The following ADGRL2 variants were observed in gnomAD, a reference collection of about 807,000 sequenced individuals.
The protein encoded by ADGRL2 is adhesion G protein-coupled receptor L2.
A neutral mutation model predicts 157.4 loss-of-function variants in ADGRL2; 44 were observed. The observed-to-expected ratio is 0.28, with a 90% CI of 0.22 to 0.36. The LOEUF (loss-of-function observed/expected upper bound fraction) is 0.36. ADGRL2 is among the 10% of genes least tolerant of loss of function. The pLI is 1.00. For synonymous variants in ADGRL2, 585 were observed against 624.7 expected (o/e 0.94, Z 0.95); for missense variants, 1,510 against 1,768.9 (o/e 0.85, Z 2.63).
chr1:81,384,545 C>T (rs2101070922), intron 1 of ADGRL2, among the ~76,000 whole-genome samples: 1 of 152,194 alleles, frequency 6.6e-6, no homozygotes, highest in Middle Eastern at 3.4e-3. Context: ...TTAAATTTAT[C>T]TTTAAAAAAT....
chr1:81,419,378 G>C (rs1350559966), intron 1 of ADGRL2, among the ~76,000 whole-genome samples: 2 of 151,766 alleles, frequency 1.3e-5, no homozygotes, highest in African/African-American at 4.8e-5. Flanking sequence ...TATTTTTTGT[G>C]TTTTCTTTTA....
intron 8 of ADGRL2, 23 bp from the exon 9 acceptor site, chr1:81,951,934 G>A: frequency 6.4e-7 from 1 of 1,574,572 alleles, no homozygotes; most frequent in Non-Finnish European, 8.6e-7. Context: ...ATTTAAATGA[G>A]ATAATACAAA....
intron 3 of ADGRL2, among the ~76,000 whole-genome samples, chr1:81,687,014 A>G (rs1463083587): frequency 6.6e-6 from 1 of 151,974 alleles, no homozygotes; most frequent in Non-Finnish European, 1.5e-5. Context: ...TATAATTTCA[A>G]TTTTCTTAAA....
At chr1:81,360,946 A>T (rs2075966822) in intron 1 of ADGRL2, among the ~76,000 whole-genome samples, 1 of 151,918 alleles carries the variant, frequency 6.6e-6, no homozygotes, top group African/African-American at 2.4e-5. Flanking sequence ...TATGTGGAAA[A>T]TTTGAATAGT....
intron 1 of ADGRL2, among the ~76,000 whole-genome samples, chr1:81,706,090 T>C (rs556406534): frequency 6.6e-6 from 1 of 152,056 alleles, no homozygotes; most frequent in East Asian, 1.9e-4. Flanking sequence ...TCCCAGCTAC[T>C]TGGGAGGCTG....
chr1:81,572,296 T>A (rs1046732576), intron 2 of ADGRL2, among the ~76,000 whole-genome samples: 13 of 152,356 alleles, frequency 8.5e-5, no homozygotes, highest in Non-Finnish European at 1.5e-4. Context: ...TCTTATTATA[T>A]CTACTACAGT....
intron 2 of ADGRL2, among the ~76,000 whole-genome samples, chr1:81,510,348 T>C (rs901618949): frequency 3.3e-5 from 5 of 152,076 alleles, no homozygotes; most frequent in Admixed American, 3.3e-4. Flanking sequence ...ATAGAGGGAA[T>C]TTTTTCATCG....
chr1:81,822,837 G>C (rs547797411), intron 1 of ADGRL2, among the ~76,000 whole-genome samples: 1 of 152,238 alleles, frequency 6.6e-6, no homozygotes, highest in South Asian at 2.1e-4. Context: ...ATTTGGGCCT[G>C]AGTTGCAGAT....
intron 2 of ADGRL2, among the ~76,000 whole-genome samples, chr1:81,547,462 T>G (rs1419416197): frequency 2.0e-5 from 3 of 152,212 alleles, no homozygotes; most frequent in Non-Finnish European, 4.4e-5. Context: ...AATGTTCTCC[T>G]ATTTCTCTGT....
chr1:81,426,822 A>T (rs11163289), intron 1 of ADGRL2: 101,703 of 521,944 alleles, frequency 0.19, 10,670 homozygotes, highest in South Asian at 0.27. Context: ...ATGCCCATCT[A>T]CCAGTGAAGA....
chr1:81,847,293 C>T (rs181537699), intron 2 of ADGRL2, among the ~76,000 whole-genome samples: 1 of 151,986 alleles, frequency 6.6e-6, no homozygotes, highest in East Asian at 1.9e-4. Context: ...AATGTAGATT[C>T]TTGCTTCAGT....
At chr1:81,986,724 C>G (rs976027638) in intron 21 of ADGRL2, among the ~76,000 whole-genome samples, 177 bp from the exon 22 acceptor site, 4 of 152,048 alleles carry the variant, frequency 2.6e-5, no homozygotes, top group Non-Finnish European at 5.9e-5. Flanking sequence ...CCTCTCCCTT[C>G]TCTCCTGCAA....
intron 1 of ADGRL2, among the ~76,000 whole-genome samples, chr1:81,364,681 A>G (rs2076034740): frequency 1.3e-5 from 2 of 152,062 alleles, no homozygotes; most frequent in Admixed American, 1.3e-4. Context: ...AGTCAGGAAC[A>G]ATAGGATATT....
At chr1:81,827,784 C>T (rs995721353) in intron 1 of ADGRL2, among the ~76,000 whole-genome samples, 2 of 152,002 alleles carry the variant, frequency 1.3e-5, no homozygotes, top group African/African-American at 4.8e-5. Flanking sequence ...AGGCTGGTCT[C>T]GAACTCCTGA....
intron 1 of ADGRL2, among the ~76,000 whole-genome samples, chr1:81,360,521 A>C (rs1370492617): frequency 6.6e-6 from 1 of 151,978 alleles, no homozygotes; most frequent in Non-Finnish European, 1.5e-5. Flanking sequence ...TATCTTACTC[A>C]TCCAAATTGT....
chr1:81,881,602 C>G lies in ADGRL2; in HGVS notation c.74-25415C>G, dbSNP rs74095998. Among the ~76,000 whole-genome samples, 675 of 152,300 alleles carry G rather than the reference C, an allele frequency of 4.4e-3. 5 individuals are homozygous for G. The highest frequency in any genetic ancestry group is 0.016 in the African/African-American group (649 of 41,566). ...CTTGCTCATGGTTATCCTCTCTGTTCTGTCTGTTCATCCTGCCAGGGTAAG... is the reference window on the plus strand; with the variant it reads ...CTTGCTCATGGTTATCCTCTCTGTTGTGTCTGTTCATCCTGCCAGGGTAAG... On this transcript the variant is annotated intron_variant, in intron 2 of 23. Coordinates refer to ENST00000686636, the MANE Select transcript of ADGRL2 (RefSeq NM_001366006.2).
chr1:81,704,242 G>A (rs1008191838), intron 1 of ADGRL2, among the ~76,000 whole-genome samples: 1 of 152,160 alleles, frequency 6.6e-6, no homozygotes, highest in Non-Finnish European at 1.5e-5. Context: ...AAAAGAGAAG[G>A]CCCTAAAAGT....
intron 1 of ADGRL2, among the ~76,000 whole-genome samples, chr1:81,804,831 A>G (rs1260471257): frequency 6.6e-6 from 1 of 152,132 alleles, no homozygotes; most frequent in Non-Finnish European, 1.5e-5. Flanking sequence ...ATTAGTTTTT[A>G]ATTAGTCTCT....
intron 1 of ADGRL2, among the ~76,000 whole-genome samples, chr1:81,700,780 G>A (rs968561812): frequency 6.6e-6 from 1 of 152,174 alleles, no homozygotes; most frequent in African/African-American, 2.4e-5. Flanking sequence ...AAATATTGCC[G>A]GATTCACAAT....
Sources: allele counts gnomAD v4.1 joint callset (sites outside exome capture counted in the v4.1 genomes callset), GRCh38; gene constraint gnomAD v4.1.1; transcripts MANE v1.5; gene names NCBI Gene and HGNC (gene_info 2026-07-23, HGNC 2026-07-21).